The following PRKG1 variants were observed in gnomAD, a reference collection of about 807,000 sequenced individuals.
The protein encoded by PRKG1 is cGMP-dependent protein kinase 1.
Under a neutral mutation model 88.1 loss-of-function variants are expected in PRKG1, and 35 were observed. The ratio of observed to expected loss-of-function variants is 0.40; its 90% CI spans 0.30 to 0.53. The LOEUF (loss-of-function observed/expected upper bound fraction) is 0.53, where lower values mean the gene tolerates loss of function less well. Ranked by LOEUF, PRKG1 falls within the 20% of genes least tolerant of loss-of-function variation. The pLI, the probability that PRKG1 is intolerant of heterozygous loss-of-function variation, is 0.59. For missense variants in PRKG1, 540 were observed against 839.8 expected, an observed-to-expected ratio of 0.64 and a Z score of 4.41; for synonymous variants, 303 against 292.5, an observed-to-expected ratio of 1.04 and a Z score of -0.37.
chr10:51,203,532 T>C (rs1837966010), intron 2 of PRKG1, among the ~76,000 whole-genome samples: 1 of 152,160 alleles, frequency 6.6e-6, no homozygotes, highest in African/African-American at 2.4e-5. Context: ...TCTAGGCAAT[T>C]GAGGGCACAG....
At chr10:52,267,158 A>G (rs573602139) in intron 10 of PRKG1, among the ~76,000 whole-genome samples, 1 of 152,102 alleles carries the variant, frequency 6.6e-6, no homozygotes, top group Non-Finnish European at 1.5e-5. Flanking sequence ...CTTACAATTC[A>G]TCATGGATTA....
At chr10:51,269,789 C>T (rs1040842908) in intron 2 of PRKG1, among the ~76,000 whole-genome samples, 1 of 151,940 alleles carries the variant, frequency 6.6e-6, no homozygotes, top group Admixed American at 6.6e-5. Flanking sequence ...GACAGGTCCA[C>T]CAAAATCTCA....
At chr10:51,758,612 T>C (rs1460409320) in intron 3 of PRKG1, among the ~76,000 whole-genome samples, 1 of 152,146 alleles carries the variant, frequency 6.6e-6, no homozygotes, top group East Asian at 1.9e-4. Flanking sequence ...CATCACATAT[T>C]TGGAGTGGAC....
chr10:51,783,603 G>C (rs1452365462), intron 3 of PRKG1, among the ~76,000 whole-genome samples: 1 of 151,996 alleles, frequency 6.6e-6, no homozygotes, highest in African/African-American at 2.4e-5. Context: ...TCTTAAATGT[G>C]AATCCTGGAC....
intron 3 of PRKG1, among the ~76,000 whole-genome samples, chr10:51,531,968 G>C (rs968880167): frequency 6.6e-6 from 1 of 152,032 alleles, no homozygotes; most frequent in African/African-American, 2.4e-5. Context: ...AAAAATGACA[G>C]TCAGGACACT....
intron 5 of PRKG1, among the ~76,000 whole-genome samples, chr10:52,016,179 ATAC>A (rs1845035126): frequency 6.6e-6 from 1 of 152,186 alleles, no homozygotes; most frequent in Non-Finnish European, 1.5e-5. Flanking sequence ...TGCTATAAGG[ATAC>A]TACCTAAGAG....
intron 4 of PRKG1, among the ~76,000 whole-genome samples, chr10:51,858,304 A>AT (rs1312974130): frequency 5.2e-5 from 1 of 19,190 alleles, no homozygotes; most frequent in East Asian, 5.1e-4. Context: ...TATGTATAAT[A>AT]TATATATGTA....
chr10:51,693,880 AAAAC>A (rs1413851625), intron 3 of PRKG1, among the ~76,000 whole-genome samples: 1 of 152,218 alleles, frequency 6.6e-6, no homozygotes, highest in African/African-American at 2.4e-5. Flanking sequence ...AGGGTGCATA[AAAAC>A]AAACGAAAAT....
At chr10:51,434,988 C>A (rs1280039215) in intron 2 of PRKG1, among the ~76,000 whole-genome samples, 1 of 152,032 alleles carries the variant, frequency 6.6e-6, no homozygotes, top group Non-Finnish European at 1.5e-5. Context: ...AATATTTCTA[C>A]TTTGTGTGTG....
rs1028526808 is a variant in PRKG1, at chr10:51,810,544, G to T, written c.698+5854G>T. Among the ~76,000 whole-genome samples, 3 of 152,132 alleles carry T rather than the reference G, an allele frequency of 2.0e-5. No homozygotes were observed. In the East Asian group the frequency reaches 5.8e-4, roughly 29 times the overall value. ...CTGCCAGATTTTAGTGCTGTGTAAA[G>T]CTTCCTTATTCTTTATCTCCATTAC... On this transcript the variant is annotated intron_variant, in intron 4 of 17. Transcript: ENST00000373980.
chr10:51,688,544 C>T (rs1247704229), intron 3 of PRKG1, among the ~76,000 whole-genome samples: 1 of 134,870 alleles, frequency 7.4e-6, no homozygotes, highest in African/African-American at 2.7e-5. Context: ...CCTGCTTTGT[C>T]TAAAATTGCC....
intron 10 of PRKG1, among the ~76,000 whole-genome samples, chr10:52,266,877 G>A (rs1484387927): frequency 6.6e-6 from 1 of 151,982 alleles, no homozygotes; most frequent in African/African-American, 2.4e-5. Flanking sequence ...TAGGAGATTA[G>A]GACAGTCTTC....
At chr10:51,817,953 A>G (rs113658324) in intron 4 of PRKG1, among the ~76,000 whole-genome samples, 194 of 152,312 alleles carry the variant, frequency 1.3e-3, no homozygotes, top group African/African-American at 4.5e-3. Flanking sequence ...AACAACAAGT[A>G]ATCACTTTTT....
At chr10:52,254,355 C>T (rs1256476046) in intron 10 of PRKG1, among the ~76,000 whole-genome samples, 1 of 151,990 alleles carries the variant, frequency 6.6e-6, no homozygotes, top group Non-Finnish European at 1.5e-5. Context: ...AAGCTAATTT[C>T]ATATTTATGT....
chr10:52,160,419 G>A (rs1453311483), intron 8 of PRKG1, among the ~76,000 whole-genome samples: 1 of 151,820 alleles, frequency 6.6e-6, no homozygotes, highest in African/African-American at 2.4e-5. Flanking sequence ...ATTACAGAAA[G>A]CTTTATATTC....
intron 2 of PRKG1, among the ~76,000 whole-genome samples, chr10:51,330,630 T>G (rs1202497993): frequency 6.6e-6 from 1 of 152,224 alleles, no homozygotes; most frequent in African/African-American, 2.4e-5. Flanking sequence ...TGACCTCTAT[T>G]GCATTTTTTC....
chr10:51,363,366 T>C (rs1288037773), intron 2 of PRKG1, among the ~76,000 whole-genome samples: 1 of 151,978 alleles, frequency 6.6e-6, no homozygotes, highest in Non-Finnish European at 1.5e-5. Context: ...TCTCACGGAA[T>C]CTACCTATGT....
At chr10:51,536,107 G>A (rs1273893148) in intron 3 of PRKG1, among the ~76,000 whole-genome samples, 1 of 152,126 alleles carries the variant, frequency 6.6e-6, no homozygotes. Context: ...TAGGGGGTAT[G>A]ATACTAATGC....
At chr10:51,795,196 C>T (rs1373042801) in intron 3 of PRKG1, among the ~76,000 whole-genome samples, 4 of 152,120 alleles carry the variant, frequency 2.6e-5, no homozygotes, top group African/African-American at 4.8e-5. Flanking sequence ...CAAGGTATGA[C>T]GTCAAACAGA....
Sources: allele counts gnomAD v4.1 joint callset (sites outside exome capture counted in the v4.1 genomes callset), GRCh38; gene constraint gnomAD v4.1.1; transcripts MANE v1.5; gene names NCBI Gene and HGNC (gene_info 2026-07-23, HGNC 2026-07-21).